The following ZBTB20 variants were observed in gnomAD, a reference collection of about 807,000 sequenced individuals.
ZBTB20 encodes the protein zinc finger and BTB domain-containing protein 20.
ZBTB20 carries 9 observed loss-of-function variants against 56.9 expected under a neutral mutation model. The observed-to-expected ratio is 0.16, with a 90% CI of 0.10 to 0.28. ZBTB20 has a LOEUF of 0.28. Ranked by LOEUF, ZBTB20 falls within the 10% of genes least tolerant of loss-of-function variation. The probability of loss-of-function intolerance (pLI) is 1.00; values close to 1 mark genes in which losing one functional copy is unlikely to be tolerated. For missense variants in ZBTB20, 655 were observed against 1,003.0 expected, an observed-to-expected ratio of 0.65 and a Z score of 4.69; for synonymous variants, 417 against 420.7, an observed-to-expected ratio of 0.99 and a Z score of 0.11.
At chr3:114,916,617 G>T (rs2075756204) in intron 3 of ZBTB20, among the ~76,000 whole-genome samples, 1 of 151,882 alleles carries the variant, frequency 6.6e-6, no homozygotes, top group Non-Finnish European at 1.5e-5. Flanking sequence ...TATTTGTCTG[G>T]GAAAGTCTTT....
At position 114,619,497 on chromosome 3, in the gene ZBTB20, G is replaced by GT. The variant is rs201442514; in HGVS notation, c.-295+74030dup. Reference sequence around the variant, plus strand: ...TGTTTTATTATACACAATATTTTGGGTTTTTTTTTTAAATTGTTTATTAGG... The same window carrying GT: ...TGTTTTATTATACACAATATTTTGGGTTTTTTTTTTTAAATTGTTTATTAGG... On this transcript the variant is annotated intron_variant, in intron 6 of 11. Coordinates refer to ENST00000675478, the MANE Select transcript of ZBTB20 (RefSeq NM_001348800.3). Among the ~76,000 whole-genome samples the GT allele has an allele frequency of 5.2e-3, 781 of 149,426 alleles. 4 individuals carry two copies. The highest frequency in any genetic ancestry group is 0.018 in the African/African-American group (734 of 40,676).
intron 6 of ZBTB20, among the ~76,000 whole-genome samples, chr3:114,662,931 T>C (rs1410551021): frequency 6.6e-6 from 1 of 151,746 alleles, no homozygotes; most frequent in Admixed American, 6.6e-5. Flanking sequence ...CTGAAAGTGA[T>C]GTGGAGAATG....
intron 6 of ZBTB20, among the ~76,000 whole-genome samples, chr3:114,627,515 C>T (rs902714349): frequency 6.6e-6 from 1 of 152,118 alleles, no homozygotes; most frequent in African/African-American, 2.4e-5. Flanking sequence ...GAAGATTCCC[C>T]TGGAGCATAC....
At chr3:114,735,885 C>G (rs1039576291) in intron 5 of ZBTB20, among the ~76,000 whole-genome samples, 2 of 152,036 alleles carry the variant, frequency 1.3e-5, no homozygotes, top group Non-Finnish European at 2.9e-5. Flanking sequence ...ATAAAACTAG[C>G]AAACCTGGGG....
intron 4 of ZBTB20, among the ~76,000 whole-genome samples, chr3:114,876,065 T>C (rs1263898755): frequency 6.6e-6 from 1 of 151,296 alleles, no homozygotes; most frequent in Non-Finnish European, 1.5e-5. Flanking sequence ...AAGATCCCCA[T>C]CTCTACAAAA....
At chr3:115,133,347 T>C (rs1418701898) in intron 1 of ZBTB20, among the ~76,000 whole-genome samples, 1 of 152,236 alleles carries the variant, frequency 6.6e-6, no homozygotes, top group Non-Finnish European at 1.5e-5. Flanking sequence ...TTGTGTACTT[T>C]TGTCATTCTT....
At chr3:114,402,995 T>C (rs1243677460) in intron 7 of ZBTB20, among the ~76,000 whole-genome samples, 1 of 152,154 alleles carries the variant, frequency 6.6e-6, no homozygotes, top group East Asian at 1.9e-4. Context: ...ATTTAAAATG[T>C]AAAAGTGGAT....
At chr3:114,967,500 C>T (rs2077692419) in intron 3 of ZBTB20, among the ~76,000 whole-genome samples, 3 of 152,192 alleles carry the variant, frequency 2.0e-5, no homozygotes, top group African/African-American at 7.2e-5. Context: ...CATTCTCCCA[C>T]ACCATGCTAC....
At chr3:114,762,416 C>T (rs769800336) in intron 5 of ZBTB20, among the ~76,000 whole-genome samples, 1 of 152,136 alleles carries the variant, frequency 6.6e-6, no homozygotes, top group Non-Finnish European at 1.5e-5. Flanking sequence ...AGTCCAGCCA[C>T]CCATAATTCT....
intron 5 of ZBTB20, among the ~76,000 whole-genome samples, chr3:114,766,860 A>G (rs1422530387): frequency 6.6e-6 from 1 of 152,134 alleles, no homozygotes; most frequent in Non-Finnish European, 1.5e-5. Context: ...CCATGATAAC[A>G]TAATCACCTT....
chr3:115,047,715 C>A (rs1281759409), intron 2 of ZBTB20, among the ~76,000 whole-genome samples: 1 of 152,078 alleles, frequency 6.6e-6, no homozygotes, highest in African/African-American at 2.4e-5. Context: ...CTGTTAAATG[C>A]CTGTTGGTTG....
At chr3:114,839,392 A>G (rs1039534772) in intron 4 of ZBTB20, among the ~76,000 whole-genome samples, 4 of 142,238 alleles carry the variant, frequency 2.8e-5, no homozygotes, top group South Asian at 2.3e-4. Flanking sequence ...TGGGTGACAG[A>G]GTGAGAGCCT....
chr3:115,129,655 C>T (rs993655957), intron 1 of ZBTB20, among the ~76,000 whole-genome samples: 3 of 152,166 alleles, frequency 2.0e-5, no homozygotes, highest in Non-Finnish European at 2.9e-5. Context: ...CTGTATTTAG[C>T]TGTCTGTGGC....
intron 5 of ZBTB20, among the ~76,000 whole-genome samples, chr3:114,752,842 T>A (rs376102612): frequency 6.6e-6 from 1 of 152,140 alleles, no homozygotes; most frequent in African/African-American, 2.4e-5. Flanking sequence ...CCCTTGAAGA[T>A]TGACCCCATT....
chr3:114,665,108 C>T (rs1284758753), intron 6 of ZBTB20, among the ~76,000 whole-genome samples: 1 of 152,036 alleles, frequency 6.6e-6, no homozygotes, highest in South Asian at 2.1e-4. Context: ...CAAATACAGT[C>T]GTTTGCCGTG....
At chr3:114,748,564 C>T (rs879825913) in intron 5 of ZBTB20, among the ~76,000 whole-genome samples, 12 of 152,016 alleles carry the variant, frequency 7.9e-5, no homozygotes, top group Admixed American at 6.6e-4. Flanking sequence ...AACTCTCAGT[C>T]CTTGCTCAAA....
intron 5 of ZBTB20, among the ~76,000 whole-genome samples, chr3:114,770,481 C>G (rs1578791371): frequency 6.6e-6 from 1 of 151,026 alleles, no homozygotes; most frequent in Non-Finnish European, 1.5e-5. Context: ...TTCATGTAAC[C>G]AAATACCACC....
At chr3:114,990,113 GC>G (rs1224033114) in intron 2 of ZBTB20, among the ~76,000 whole-genome samples, 1 of 152,066 alleles carries the variant, frequency 6.6e-6, no homozygotes, top group Non-Finnish European at 1.5e-5. Context: ...CTGCCTGATT[GC>G]CCTGGCCAGA....
At chr3:114,442,271 T>C (rs1429020184) in intron 7 of ZBTB20, among the ~76,000 whole-genome samples, 1 of 152,166 alleles carries the variant, frequency 6.6e-6, no homozygotes, top group Non-Finnish European at 1.5e-5. Flanking sequence ...ATATTAATGC[T>C]AATGATAAAA....
Sources: gnomAD v4.1 joint callset for allele counts (sites outside exome capture counted in the v4.1 genomes callset) on GRCh38, gnomAD v4.1.1 for gene constraint, MANE v1.5 for transcripts, NCBI Gene and HGNC (gene_info 2026-07-23, HGNC 2026-07-21) for gene names.